MAGI2: variants seen among roughly 807,000 people sequenced by gnomAD.
The protein encoded by MAGI2 is membrane-associated guanylate kinase, WW and PDZ domain-containing protein 2.
MAGI2 carries 35 observed loss-of-function variants against 133.3 expected under a neutral mutation model. The ratio of observed to expected loss-of-function variants is 0.26; its 90% CI spans 0.20 to 0.35. The LOEUF is 0.35. Ranked by LOEUF, MAGI2 falls within the 10% of genes least tolerant of loss-of-function variation. MAGI2 has a pLI of 1.00. For synonymous variants in MAGI2, 729 were observed against 710.6 expected, an observed-to-expected ratio of 1.03 and a Z score of -0.41; for missense variants, 1,636 against 1,863.4, an observed-to-expected ratio of 0.88 and a Z score of 2.25.
At chr7:79,083,850 T>C (rs1816262271) in intron 1 of MAGI2, among the ~76,000 whole-genome samples, 2 of 151,740 alleles carry the variant, frequency 1.3e-5, no homozygotes, top group African/African-American at 2.4e-5. Flanking sequence ...GTCTATTTAC[T>C]CATTAATAGT....
intron 1 of MAGI2, among the ~76,000 whole-genome samples, chr7:79,266,770 G>A (rs1011517221): frequency 1.3e-5 from 2 of 152,136 alleles, no homozygotes; most frequent in Admixed American, 1.3e-4. Flanking sequence ...AGAGCATATG[G>A]AAAGTTGAGA....
chr7:79,092,963 G>C (rs1562881227), intron 1 of MAGI2, among the ~76,000 whole-genome samples: 1 of 151,982 alleles, frequency 6.6e-6, no homozygotes, highest in Non-Finnish European at 1.5e-5. Context: ...TTGACTTCAA[G>C]TTACATAGAA....
chr7:79,150,742 G>T (rs1823136656), intron 1 of MAGI2, among the ~76,000 whole-genome samples: 1 of 151,504 alleles, frequency 6.6e-6, no homozygotes, highest in Non-Finnish European at 1.5e-5. Flanking sequence ...AATATTTCAG[G>T]ATGTCAAGCT....
intron 1 of MAGI2, among the ~76,000 whole-genome samples, chr7:79,227,560 T>C (rs980770959): frequency 6.6e-6 from 1 of 152,196 alleles, no homozygotes; most frequent in Admixed American, 6.5e-5. Context: ...TCACTCCTTT[T>C]TTCAGCACAT....
intron 2 of MAGI2, among the ~76,000 whole-genome samples, chr7:78,861,194 G>C (rs111573998): frequency 1.3e-5 from 2 of 152,176 alleles, no homozygotes; most frequent in South Asian, 4.1e-4. Context: ...GCACTTCCCG[G>C]GTGAGGCGAT....
intron 7 of MAGI2, chr7:78,352,721 G>A (rs571903413): frequency 1.9e-4 from 29 of 152,266 alleles, no homozygotes; most frequent in African/African-American, 6.0e-4. Context: ...AGCTGAGTCT[G>A]TCCTCTACTC....
intron 1 of MAGI2, among the ~76,000 whole-genome samples, chr7:79,312,141 T>A (rs1228817293): frequency 6.6e-6 from 1 of 152,150 alleles, no homozygotes; most frequent in East Asian, 1.9e-4. Context: ...CAATGGAAAT[T>A]TTTGTCAAGT....
chr7:78,871,437 C>T (rs1198124266), intron 2 of MAGI2, among the ~76,000 whole-genome samples: 1 of 151,972 alleles, frequency 6.6e-6, no homozygotes, highest in African/African-American at 2.4e-5. Context: ...GAAATCACCA[C>T]CAAACAACTT....
intron 1 of MAGI2, among the ~76,000 whole-genome samples, chr7:79,449,187 GC>G (rs1207437979): frequency 6.6e-6 from 1 of 151,912 alleles, no homozygotes; most frequent in Non-Finnish European, 1.5e-5. Flanking sequence ...ATTATTCTAA[GC>G]CTGAAGTCAG....
At chr7:78,372,743 T>C (rs561908065) in intron 6 of MAGI2, among the ~76,000 whole-genome samples, 1 of 152,266 alleles carries the variant, frequency 6.6e-6, no homozygotes, top group South Asian at 2.1e-4. Flanking sequence ...AAACAAAAGA[T>C]TAAACACGCA....
chr7:79,340,229 A>T (rs1585631663), intron 1 of MAGI2, among the ~76,000 whole-genome samples: 1 of 151,830 alleles, frequency 6.6e-6, no homozygotes, highest in African/African-American at 2.4e-5. Flanking sequence ...ATCCATTTTA[A>T]TTTTGATTTC....
chr7:79,054,980 A>T (rs183989638), intron 1 of MAGI2, among the ~76,000 whole-genome samples: 11 of 152,240 alleles, frequency 7.2e-5, no homozygotes, highest in Admixed American at 6.5e-4. Context: ...TTTAGTAAAG[A>T]CGGGGTTTCA....
intron 2 of MAGI2, among the ~76,000 whole-genome samples, chr7:78,872,020 T>G (rs1795067577): frequency 6.6e-6 from 1 of 151,918 alleles, no homozygotes; most frequent in South Asian, 2.1e-4. Flanking sequence ...CTCTTTGTTC[T>G]TCCTTTGAAC....
chr7:79,440,180 T>C (rs2129195884), intron 1 of MAGI2, among the ~76,000 whole-genome samples: 1 of 152,112 alleles, frequency 6.6e-6, no homozygotes, highest in Non-Finnish European at 1.5e-5. Context: ...TTCTTTTTTT[T>C]TTTTCTTTAC....
chr7:78,360,346 C>T lies in MAGI2; in HGVS notation c.1103+8810G>A, dbSNP rs953388267. Among the ~76,000 whole-genome samples, 34 of 152,084 alleles carry T rather than the reference C, an allele frequency of 2.2e-4. 1 individual carries two copies. Among genetic ancestry groups the T allele is most frequent in the Admixed American group, 7.9e-4 (12 of 15,276 alleles). ...AAAAGTGGCAGTGTTGTTTAATATG[C>T]CAGTCACCAAGAGGATAGGATCTTG... On this transcript the variant is annotated intron_variant, in intron 7 of 21. Coordinates refer to ENST00000354212, the MANE Select transcript of MAGI2 (RefSeq NM_012301.4).
At chr7:79,069,247 C>A (rs140692202) in intron 1 of MAGI2, among the ~76,000 whole-genome samples, 7 of 151,996 alleles carry the variant, frequency 4.6e-5, no homozygotes, top group Admixed American at 2.0e-4. Context: ...CCTCTTTGTA[C>A]GTCTCTAAGA....
chr7:78,663,359 A>G (rs1386811263), intron 2 of MAGI2, among the ~76,000 whole-genome samples: 1 of 152,024 alleles, frequency 6.6e-6, no homozygotes, highest in East Asian at 1.9e-4. Context: ...GGCACGCGCT[A>G]CCACACACAG....
chr7:79,278,443 C>G (rs953314629), intron 1 of MAGI2, among the ~76,000 whole-genome samples: 3 of 152,126 alleles, frequency 2.0e-5, no homozygotes, highest in African/African-American at 7.2e-5. Flanking sequence ...GTTTAAAAAT[C>G]CTTTCCCCTT....
chr7:78,806,006 A>G (rs1788547324), intron 2 of MAGI2, among the ~76,000 whole-genome samples: 3 of 152,200 alleles, frequency 2.0e-5, no homozygotes, highest in Non-Finnish European at 4.4e-5. Context: ...TGTCAGAAAA[A>G]AAAGGTTTAT....
Sources: allele counts gnomAD v4.1 joint callset (sites outside exome capture counted in the v4.1 genomes callset), GRCh38; gene constraint gnomAD v4.1.1; transcripts MANE v1.5; gene names NCBI Gene and HGNC (gene_info 2026-07-23, HGNC 2026-07-21).